CADM1: variants seen among roughly 807,000 people sequenced by gnomAD.
CADM1 encodes TSLC-1.
A neutral mutation model predicts 53.1 loss-of-function variants in CADM1; 15 were observed. The observed-to-expected ratio is 0.28, with a 90% CI of 0.19 to 0.44. CADM1 has a LOEUF of 0.44. Among genes scored for constraint, CADM1 ranks in the 20% least tolerant of loss-of-function variants. The pLI is 1.00. For synonymous variants in CADM1, 281 were observed against 243.0 expected, an observed-to-expected ratio of 1.16 and a Z score of -1.45; for missense variants, 434 against 611.3, an observed-to-expected ratio of 0.71 and a Z score of 3.06.
At chr11:115,434,039 G>A (rs1948121636) in intron 1 of CADM1, among the ~76,000 whole-genome samples, 1 of 152,152 alleles carries the variant, frequency 6.6e-6, no homozygotes, top group Non-Finnish European at 1.5e-5. Flanking sequence ...TTGGCAGTAA[G>A]TCAAAAAAAT....
chr11:115,340,641 TA>T (rs1945407996), intron 1 of CADM1, among the ~76,000 whole-genome samples: 1 of 30,854 alleles, frequency 3.2e-5, no homozygotes, highest in African/African-American at 1.1e-4. Context: ...TATATATATA[TA>T]TATATATATA....
At chr11:115,417,877 A>C (rs1048031444) in intron 1 of CADM1, among the ~76,000 whole-genome samples, 1 of 152,226 alleles carries the variant, frequency 6.6e-6, no homozygotes, top group Non-Finnish European at 1.5e-5. Flanking sequence ...GATTTAATTC[A>C]AATTTTAACA....
intron 1 of CADM1, among the ~76,000 whole-genome samples, chr11:115,285,371 G>A (rs907941087): frequency 3.3e-5 from 5 of 152,156 alleles, no homozygotes; most frequent in South Asian, 2.1e-4. Flanking sequence ...AAGTACTTTA[G>A]ATACATTAGT....
intron 7 of CADM1, 80 bp downstream of exon 7, chr11:115,214,528 C>T: frequency 2.8e-6 from 4 of 1,434,288 alleles, no homozygotes; most frequent in Non-Finnish European, 3.9e-6. Flanking sequence ...TCAACTTGAC[C>T]AAAAGCTTTG....
At position 115,240,398 on chromosome 11, in the gene CADM1, C is replaced by T. The variant is rs1238277156; in HGVS notation, c.147G>A (p.Thr49=). Residue 49 remains threonine (T), a synonymous_variant, in exon 2 of 12, where the codon ACG becomes ACA. Coordinates refer to ENST00000331581, the MANE Select transcript of CADM1 (RefSeq NM_001301043.2). ...CTCCCTCGATCACTGTCACGTCTTTCGTAAACAGATTCTGCCCATCACCTT... is the reference window on the plus strand; with the variant it reads ...CTCCCTCGATCACTGTCACGTCTTTTGTAAACAGATTCTGCCCATCACCTT... ...IPTGDGQNLF[T]KDVTVIEGEV... 3.1e-6 allele frequency: 5 copies of T among 1,613,558 alleles called. No homozygotes were observed. The highest frequency in any genetic ancestry group is 1.3e-5 in the African/African-American group (1 of 74,942).
At chr11:115,393,071 A>C (rs1295110563) in intron 1 of CADM1, among the ~76,000 whole-genome samples, 1 of 147,652 alleles carries the variant, frequency 6.8e-6, no homozygotes, top group Non-Finnish European at 1.5e-5. Context: ...TCTTCCAAAA[A>C]AAAAAAAAAA....
chr11:115,496,811 AG>A (rs912144595), intron 1 of CADM1, among the ~76,000 whole-genome samples: 7 of 152,160 alleles, frequency 4.6e-5, no homozygotes, highest in Non-Finnish European at 8.8e-5. Context: ...AGGGGAAAAA[AG>A]ACTCCAAATT....
At chr11:115,407,800 G>A (rs1434913039) in intron 1 of CADM1, among the ~76,000 whole-genome samples, 2 of 148,700 alleles carry the variant, frequency 1.3e-5, no homozygotes, top group Non-Finnish European at 3.0e-5. Flanking sequence ...AGCCTGGGGG[G>A]GTTCGAGGCT....
intron 1 of CADM1, among the ~76,000 whole-genome samples, chr11:115,270,418 T>C (rs1943264884): frequency 6.6e-6 from 1 of 152,192 alleles, no homozygotes; most frequent in South Asian, 2.1e-4. Context: ...AGACCATTGC[T>C]GATGTCTATA....
intron 1 of CADM1, among the ~76,000 whole-genome samples, chr11:115,327,063 T>A (rs900702961): frequency 2.0e-5 from 3 of 152,198 alleles, no homozygotes; most frequent in Non-Finnish European, 4.4e-5. Context: ...ATTTTACATA[T>A]AAAAACATAC....
At chr11:115,290,686 G>C (rs181422872) in intron 1 of CADM1, among the ~76,000 whole-genome samples, 270 of 152,244 alleles carry the variant, frequency 1.8e-3, no homozygotes, top group African/African-American at 6.1e-3. Flanking sequence ...GGGAGATAAG[G>C]AAAATAAAAG....
chr11:115,345,545 T>TA (rs1385055234), intron 1 of CADM1, among the ~76,000 whole-genome samples: 1 of 152,206 alleles, frequency 6.6e-6, no homozygotes, highest in African/African-American at 2.4e-5. Flanking sequence ...ATAATTTTTT[T>TA]AAACACCCTC....
chr11:115,444,965 G>A (rs1260394006), intron 1 of CADM1, among the ~76,000 whole-genome samples: 2 of 152,194 alleles, frequency 1.3e-5, no homozygotes, highest in Middle Eastern at 3.2e-3. Flanking sequence ...GAGGCTATGT[G>A]TGAAGCACAG....
chr11:115,259,835 G>A (rs1444370094), intron 1 of CADM1, among the ~76,000 whole-genome samples: 1 of 152,098 alleles, frequency 6.6e-6, no homozygotes, highest in African/African-American at 2.4e-5. Context: ...CTGGCTCCAT[G>A]CCCTTCCCAC....
intron 1 of CADM1, among the ~76,000 whole-genome samples, chr11:115,472,854 G>A (rs1591281241): frequency 6.6e-6 from 1 of 152,062 alleles, no homozygotes; most frequent in East Asian, 1.9e-4. Flanking sequence ...AATTAATTAT[G>A]TCTGGTAATT....
chr11:115,308,302 C>G (rs1056965765), intron 1 of CADM1, among the ~76,000 whole-genome samples: 6 of 151,506 alleles, frequency 4.0e-5, no homozygotes, highest in African/African-American at 1.5e-4. Flanking sequence ...AAACACTCCA[C>G]TGTCTATTGA....
At chr11:115,199,972 C>T (rs889569546) in intron 8 of CADM1, among the ~76,000 whole-genome samples, 1 of 152,176 alleles carries the variant, frequency 6.6e-6, no homozygotes, top group African/African-American at 2.4e-5. Flanking sequence ...GAGCCTGGTG[C>T]TTCTGATGTA....
chr11:115,184,064 C>CT (rs1308074420), intron 10 of CADM1, among the ~76,000 whole-genome samples: 1 of 152,066 alleles, frequency 6.6e-6, no homozygotes, highest in Non-Finnish European at 1.5e-5. Flanking sequence ...CTGCCTCCAG[C>CT]TTCCTAGGGT....
chr11:115,356,684 C>T (rs531345464), intron 1 of CADM1, among the ~76,000 whole-genome samples: 123 of 152,156 alleles, frequency 8.1e-4, no homozygotes, highest in African/African-American at 2.8e-3. Flanking sequence ...ATGTAAATCC[C>T]AATGTGACCT....
Sources: gnomAD v4.1 joint callset for allele counts (sites outside exome capture counted in the v4.1 genomes callset) on GRCh38, gnomAD v4.1.1 for gene constraint, MANE v1.5 for transcripts, NCBI Gene and HGNC (gene_info 2026-07-23, HGNC 2026-07-21) for gene names.